Variants in GALNT13 observed in about 807,000 individuals in gnomAD.
GALNT13 encodes polypeptide N-acetylgalactosaminyltransferase 13, also known as UDP-GalNAc:polypeptide N-acetylgalactosaminyltransferase 13.
In GALNT13, 28 loss-of-function variants were observed where a neutral mutation model predicts 64.2. That is an observed-to-expected ratio of 0.44 (90% CI 0.32 to 0.60). The LOEUF (loss-of-function observed/expected upper bound fraction) is 0.60. GALNT13 is among the 20% of genes least tolerant of loss of function. The pLI is 0.05. For synonymous variants in GALNT13, 214 were observed against 224.6 expected (o/e 0.95, Z 0.42); for missense variants, 577 against 669.8 (o/e 0.86, Z 1.53).
chr2:154,385,322 A>C (rs1008746863), intron 9 of GALNT13, among the ~76,000 whole-genome samples: 1 of 151,912 alleles, frequency 6.6e-6, no homozygotes, highest in Admixed American at 6.6e-5. Flanking sequence ...GATCAATCAC[A>C]CTGATGTTAG....
intron 3 of GALNT13, among the ~76,000 whole-genome samples, chr2:154,020,311 C>A (rs1315555901): frequency 1.3e-5 from 2 of 152,292 alleles, no homozygotes; most frequent in East Asian, 3.9e-4. Context: ...TTTACAGTCT[C>A]ACCAACAGTG....
At chr2:154,054,744 G>A (rs992228909) in intron 3 of GALNT13, among the ~76,000 whole-genome samples, 1 of 151,876 alleles carries the variant, frequency 6.6e-6, no homozygotes, top group African/African-American at 2.4e-5. Context: ...GTGGCCAAAA[G>A]AGCAACACCT....
At chr2:153,514,720 A>C in the GALNT13 span, among the ~76,000 whole-genome samples, 1 of 152,088 alleles carries the variant, frequency 6.6e-6, no homozygotes, top group African/African-American at 2.4e-5. Flanking sequence ...TGGATTTTTC[A>C]AGGGGTGGGG....
At chr2:154,048,039 A>T (rs1350978893) in intron 3 of GALNT13, among the ~76,000 whole-genome samples, 3 of 152,222 alleles carry the variant, frequency 2.0e-5, no homozygotes, top group Non-Finnish European at 4.4e-5. Context: ...CAGGCTGTTC[A>T]GGGAGCATAG....
the GALNT13 span, among the ~76,000 whole-genome samples, chr2:153,399,789 T>C: frequency 3.9e-5 from 6 of 152,206 alleles, no homozygotes; most frequent in African/African-American, 1.4e-4. Context: ...CCTGGGACTT[T>C]GCTGAAGTTG....
chr2:153,802,012 G>A, the GALNT13 span, among the ~76,000 whole-genome samples: 1 of 152,104 alleles, frequency 6.6e-6, no homozygotes, highest in South Asian at 2.1e-4. Context: ...TGGCTGAGCA[G>A]AATGTTCATG....
At chr2:153,269,901 A>T in the GALNT13 span, among the ~76,000 whole-genome samples, 2 of 152,146 alleles carry the variant, frequency 1.3e-5, no homozygotes, top group Non-Finnish European at 2.9e-5. Context: ...TAAGAACAGT[A>T]TGGGGGAAAC....
chr2:153,306,484 AT>A, the GALNT13 span, among the ~76,000 whole-genome samples: 1 of 152,156 alleles, frequency 6.6e-6, no homozygotes, highest in African/African-American at 2.4e-5. Context: ...CATCTGTCCA[AT>A]TTATTTACTA....
Position 154,453,456 on chromosome 2 carries a change from G to C in GALNT13, c.*2905G>C, listed in dbSNP as rs892019235. On this transcript the variant is annotated 3_prime_UTR_variant, in exon 13 of 13. Coordinates refer to ENST00000392825, the MANE Select transcript of GALNT13 (RefSeq NM_052917.4). Reference sequence around the variant, plus strand: ...TATTATGGCTCCCAAGAAAGTTCCTGCTTTAGTGTTTTGTTCCCTCTGCCC... The same window carrying C: ...TATTATGGCTCCCAAGAAAGTTCCTCCTTTAGTGTTTTGTTCCCTCTGCCC... 1.3e-5 allele frequency: 2 copies of C among 152,078 alleles called. No individual in the cohort carries two copies. The highest frequency in any genetic ancestry group is 2.9e-5 in the Non-Finnish European group (2 of 68,118). The allele number at this position is 152,078 out of a possible 1,614,324, so 9.4% of individuals were successfully genotyped here. A position where few individuals can be genotyped will look rare whatever the true frequency, so the allele number is the denominator to read the frequency against.
At chr2:153,218,006 G>C in the GALNT13 span, among the ~76,000 whole-genome samples, 1 of 152,078 alleles carries the variant, frequency 6.6e-6, no homozygotes, top group African/African-American at 2.4e-5. Flanking sequence ...AATCTAGTCT[G>C]GAGTTGAGCT....
chr2:153,619,908 T>C, the GALNT13 span, among the ~76,000 whole-genome samples: 2 of 152,194 alleles, frequency 1.3e-5, no homozygotes, highest in South Asian at 4.1e-4. Context: ...AGTTTGATTA[T>C]TAAATGCCTT....
chr2:153,618,045 G>A, the GALNT13 span, among the ~76,000 whole-genome samples: 1 of 151,190 alleles, frequency 6.6e-6, no homozygotes, highest in Non-Finnish European at 1.5e-5. Context: ...GATCTTTATT[G>A]TTTCTTTTCT....
chr2:153,478,020 C>A, the GALNT13 span: 1 of 565,164 alleles, frequency 1.8e-6, no homozygotes, highest in Non-Finnish European at 3.1e-6. Flanking sequence ...CCACTTTCTG[C>A]TGAGTTCAGA....
At chr2:153,577,867 TTATTC>T in the GALNT13 span, among the ~76,000 whole-genome samples, 12 of 150,876 alleles carry the variant, frequency 8.0e-5, no homozygotes, top group East Asian at 1.9e-4. Context: ...TGAATGAACT[TTATTC>T]TATATTTTAA....
intron 3 of GALNT13, among the ~76,000 whole-genome samples, chr2:153,979,872 T>C (rs1034553833): frequency 9.2e-5 from 14 of 152,240 alleles, no homozygotes; most frequent in Non-Finnish European, 1.5e-4. Context: ...AAATGAAAGG[T>C]AGATTATATT....
At chr2:153,792,180 C>A in the GALNT13 span, among the ~76,000 whole-genome samples, 2 of 152,226 alleles carry the variant, frequency 1.3e-5, no homozygotes, top group South Asian at 4.1e-4. Flanking sequence ...TATGTAATTA[C>A]CATCAGTCCT....
intron 3 of GALNT13, among the ~76,000 whole-genome samples, chr2:154,131,521 G>T (rs1387263102): frequency 6.6e-6 from 1 of 152,044 alleles, no homozygotes; most frequent in Non-Finnish European, 1.5e-5. Flanking sequence ...TTAAGAAACT[G>T]TCTCTTCATG....
chr2:153,894,099 G>A (rs9636321), intron 1 of GALNT13, among the ~76,000 whole-genome samples: 21,555 of 151,994 alleles, frequency 0.14, 1,738 homozygotes, highest in South Asian at 0.21. Context: ...CAGTGGTGAA[G>A]GAGCTGTCAT....
chr2:153,976,615 C>G (rs796497438), intron 3 of GALNT13, among the ~76,000 whole-genome samples: 3 of 151,968 alleles, frequency 2.0e-5, no homozygotes, highest in Non-Finnish European at 4.4e-5. Flanking sequence ...ACATTTGGAA[C>G]CAATAATAAA....
Sources: allele counts gnomAD v4.1 joint callset (sites outside exome capture counted in the v4.1 genomes callset), GRCh38; gene constraint gnomAD v4.1.1; transcripts MANE v1.5; gene names NCBI Gene and HGNC (gene_info 2026-07-23, HGNC 2026-07-21).